CADM2: variants seen among roughly 807,000 people sequenced by gnomAD.
The protein encoded by CADM2 is immunoglobulin superfamily member 4D.
In CADM2, 12 loss-of-function variants were observed where a neutral mutation model predicts 49.8. The observed-to-expected ratio is 0.24, with a 90% confidence interval of 0.15 to 0.39. The LOEUF (loss-of-function observed/expected upper bound fraction) is 0.39, where lower values mean the gene tolerates loss of function less well. Among genes scored for constraint, CADM2 ranks in the 10% least tolerant of loss-of-function variants. The probability of loss-of-function intolerance (pLI) is 1.00; values close to 1 mark genes in which losing one functional copy is unlikely to be tolerated. For synonymous variants in CADM2, 214 were observed against 175.4 expected, an observed-to-expected ratio of 1.22 and a Z score of -1.74; for missense variants, 378 against 492.3, an observed-to-expected ratio of 0.77 and a Z score of 2.20.
intron 3 of CADM2, among the ~76,000 whole-genome samples, chr3:85,862,040 TA>T (rs1460517164): frequency 5.9e-5 from 9 of 152,250 alleles, no homozygotes; most frequent in East Asian, 1.9e-4. Flanking sequence ...ATATCGTGAA[TA>T]AAAAATTATT....
intron 1 of CADM2, among the ~76,000 whole-genome samples, chr3:85,529,171 A>C (rs1362587685): frequency 6.6e-6 from 1 of 152,198 alleles, no homozygotes; most frequent in Non-Finnish European, 1.5e-5. Flanking sequence ...TTCTGAGATA[A>C]AGAGATGAGA....
chr3:85,745,784 G>A (rs1361756158), intron 2 of CADM2, among the ~76,000 whole-genome samples: 1 of 152,032 alleles, frequency 6.6e-6, no homozygotes, highest in Non-Finnish European at 1.5e-5. Flanking sequence ...AGGATGGCTT[G>A]AGCTGTTGAA....
At chr3:85,653,698 G>A (rs527885633) in intron 1 of CADM2, among the ~76,000 whole-genome samples, 1 of 152,098 alleles carries the variant, frequency 6.6e-6, no homozygotes, top group African/African-American at 2.4e-5. Flanking sequence ...GAAAGAATCA[G>A]AATATAAATG....
chr3:85,196,849 C>T (rs1388876264), intron 1 of CADM2, among the ~76,000 whole-genome samples: 2 of 151,886 alleles, frequency 1.3e-5, no homozygotes, highest in African/African-American at 4.8e-5. Flanking sequence ...TAAGTGGTGA[C>T]CATAATGGTA....
chr3:85,186,387 A>C (rs2041064921), intron 1 of CADM2, among the ~76,000 whole-genome samples: 1 of 152,162 alleles, frequency 6.6e-6, no homozygotes. Flanking sequence ...AGCCAATAAC[A>C]CAATGACACA....
intron 1 of CADM2, among the ~76,000 whole-genome samples, chr3:85,178,708 T>C (rs575289502): frequency 3.9e-5 from 6 of 151,992 alleles, no homozygotes; most frequent in African/African-American, 1.4e-4. Flanking sequence ...TACTTGGCGT[T>C]GTTTTTTGAA....
At chr3:85,065,575 C>G (rs1198796655) in intron 1 of CADM2, among the ~76,000 whole-genome samples, 2 of 152,118 alleles carry the variant, frequency 1.3e-5, no homozygotes, top group African/African-American at 4.8e-5. Context: ...TGCTCACACA[C>G]AGAATGCTTT....
At chr3:85,415,507 A>G (rs2035879767) in intron 1 of CADM2, among the ~76,000 whole-genome samples, 1 of 152,050 alleles carries the variant, frequency 6.6e-6, no homozygotes, top group African/African-American at 2.4e-5. Flanking sequence ...GTCTCTACAA[A>G]TGAAATGACA....
intron 1 of CADM2, among the ~76,000 whole-genome samples, chr3:85,106,558 G>A (rs59147667): frequency 0.11 from 16,513 of 152,134 alleles, 1,899 homozygotes; most frequent in African/African-American, 0.29. Context: ...ACCATGGTAT[G>A]CTCTGGGAAA....
intron 1 of CADM2, among the ~76,000 whole-genome samples, chr3:85,300,681 A>C (rs2044075103): frequency 6.6e-6 from 1 of 152,084 alleles, no homozygotes; most frequent in African/African-American, 2.4e-5. Flanking sequence ...AATAGCAAAA[A>C]CAGTGCGTGC....
chr3:85,908,785 C>T (rs191912589), intron 5 of CADM2, among the ~76,000 whole-genome samples: 54 of 150,866 alleles, frequency 3.6e-4, no homozygotes, highest in Admixed American at 6.6e-4. Context: ...AGTGCAGGGG[C>T]GTGGTCTCTG....
chr3:85,286,849 A>G (rs985574348), intron 1 of CADM2, among the ~76,000 whole-genome samples: 1 of 152,118 alleles, frequency 6.6e-6, no homozygotes, highest in Non-Finnish European at 1.5e-5. Context: ...ATAATAATCT[A>G]TAATAAAAGA....
At chr3:85,365,199 CTTTTT>C (rs397962829) in intron 1 of CADM2, among the ~76,000 whole-genome samples, 4 of 104,710 alleles carry the variant, frequency 3.8e-5, no homozygotes, top group Admixed American at 1.3e-4. Flanking sequence ...TTTTTTTTTA[CTTTTT>C]TTTTTTTTTT....
chr3:84,997,304 T>A (rs2033228836), intron 1 of CADM2, among the ~76,000 whole-genome samples: 1 of 152,076 alleles, frequency 6.6e-6, no homozygotes, highest in African/African-American at 2.4e-5. Flanking sequence ...CATGATGCAT[T>A]TTTAGATGAC....
chr3:85,767,982 T>C (rs951460383), intron 2 of CADM2, among the ~76,000 whole-genome samples: 2 of 152,054 alleles, frequency 1.3e-5, no homozygotes, highest in Non-Finnish European at 2.9e-5. Flanking sequence ...AATTATCATA[T>C]CTGTTTTGTT....
Position 85,659,053 on chromosome 3 carries a change from A to AAATAATAATAAAAT in CADM2, c.62-67458_62-67457insAATAATAATAATAA, listed in dbSNP as rs149579648. On this transcript the variant is annotated intron_variant, in intron 1 of 9. Coordinates refer to ENST00000383699, the MANE Select transcript of CADM2 (RefSeq NM_001167675.2). Reference sequence around the variant, plus strand: ...GGCAACAGAGTGAGACTCTGTCTCTAAATAATAATAATAATAATAATAATA... The same window carrying AAATAATAATAAAAT: ...GGCAACAGAGTGAGACTCTGTCTCTAAATAATAATAAAATAATAATAATAATAATAATAATAATA... Among the ~76,000 whole-genome samples the AAATAATAATAAAAT allele has an allele frequency of 5.0e-5, 7 of 140,070 alleles. 1 individual carries two copies. The highest frequency in any genetic ancestry group is 1.9e-4 in the African/African-American group (7 of 37,582). The allele number at this position is 140,070 out of a possible 152,430, so 91.9% of individuals were successfully genotyped here. A position where few individuals can be genotyped will look rare whatever the true frequency, so the allele number is the denominator to read the frequency against.
At chr3:85,194,622 C>G (rs1056876486) in intron 1 of CADM2, among the ~76,000 whole-genome samples, 2 of 151,746 alleles carry the variant, frequency 1.3e-5, no homozygotes, top group African/African-American at 4.8e-5. Flanking sequence ...AATGAGGAGG[C>G]AGAGGGAAGA....
At chr3:85,383,933 T>C (rs1217464662) in intron 1 of CADM2, among the ~76,000 whole-genome samples, 1 of 152,158 alleles carries the variant, frequency 6.6e-6, no homozygotes, top group Non-Finnish European at 1.5e-5. Flanking sequence ...ATTTTTCTTT[T>C]AAAAACTGTG....
intron 8 of CADM2, among the ~76,000 whole-genome samples, chr3:85,976,847 G>A (rs1399932016): frequency 1.3e-5 from 2 of 151,450 alleles, no homozygotes; most frequent in Non-Finnish European, 3.0e-5. Flanking sequence ...ATTTATTTGT[G>A]TATTTTAAAA....
Sources: allele counts gnomAD v4.1 joint callset (sites outside exome capture counted in the v4.1 genomes callset), GRCh38; gene constraint gnomAD v4.1.1; transcripts MANE v1.5; gene names NCBI Gene and HGNC (gene_info 2026-07-23, HGNC 2026-07-21).